The following GSE1 variants were observed in gnomAD, a reference collection of about 807,000 sequenced individuals.
GSE1 encodes Gse1 coiled-coil protein.
Under a neutral mutation model 112.6 loss-of-function variants are expected in GSE1, and 32 were observed. That is an observed-to-expected ratio of 0.28 (90% CI 0.21 to 0.38). The LOEUF (loss-of-function observed/expected upper bound fraction) is 0.38. Ranked by LOEUF, GSE1 falls within the 10% of genes least tolerant of loss-of-function variation. The pLI is 1.00. For synonymous variants in GSE1, 1,115 were observed against 735.6 expected, an observed-to-expected ratio of 1.52 and a Z score of -8.35; for missense variants, 2,348 against 1,699.2, an observed-to-expected ratio of 1.38 and a Z score of -6.71.
At chr16:85,457,391 G>A (rs924557527) in intron 2 of GSE1, among the ~76,000 whole-genome samples, 1 of 152,232 alleles carries the variant, frequency 6.6e-6, no homozygotes, top group Non-Finnish European at 1.5e-5. Flanking sequence ...CCCAGCATTT[G>A]CCCACTGCAG....
At chr16:85,390,774 G>T (rs2047822518) in intron 2 of GSE1, among the ~76,000 whole-genome samples, 1 of 142,594 alleles carries the variant, frequency 7.0e-6, no homozygotes, top group African/African-American at 2.6e-5. Context: ...TGCTGGCCTT[G>T]CCTGCTGAAA....
intron 1 of GSE1, among the ~76,000 whole-genome samples, chr16:85,222,925 A>G (rs1385147750): frequency 6.6e-6 from 1 of 152,192 alleles, no homozygotes; most frequent in Admixed American, 6.5e-5. Flanking sequence ...GAGGAACATA[A>G]AAATTGAAAA....
At chr16:85,234,381 C>T (rs1188475889) in intron 1 of GSE1, among the ~76,000 whole-genome samples, 2 of 152,188 alleles carry the variant, frequency 1.3e-5, no homozygotes, top group Non-Finnish European at 2.9e-5. Flanking sequence ...CACCACCTCC[C>T]CAGGTTCTCC....
At chr16:85,583,087 C>G (rs1010160754) in intron 1 of GSE1, among the ~76,000 whole-genome samples, 1 of 152,132 alleles carries the variant, frequency 6.6e-6, no homozygotes, top group Non-Finnish European at 1.5e-5. Flanking sequence ...CCAGAGGACA[C>G]CCTCCTGCGA....
intron 2 of GSE1, among the ~76,000 whole-genome samples, chr16:85,416,310 G>A (rs558429854): frequency 6.6e-5 from 10 of 152,166 alleles, no homozygotes; most frequent in East Asian, 1.9e-4. Context: ...GCCCGGGGCC[G>A]GGAGCTGGGA....
intron 1 of GSE1, among the ~76,000 whole-genome samples, chr16:85,348,276 T>C (rs910157045): frequency 6.6e-6 from 1 of 151,520 alleles, no homozygotes; most frequent in Admixed American, 6.6e-5. Context: ...TGCCCCTCCA[T>C]CTATCCATCC....
intron 4 of GSE1, 142 bp downstream of exon 4, chr16:85,654,592 C>T: frequency 1.3e-6 from 1 of 799,714 alleles, no homozygotes; most frequent in Non-Finnish European, 2.0e-6. Flanking sequence ...CTGGGGATTG[C>T]AGCCCTGTCT....
chr16:85,409,322 C>G (rs2048421850), intron 2 of GSE1, among the ~76,000 whole-genome samples: 1 of 49,974 alleles, frequency 2.0e-5, no homozygotes, highest in Non-Finnish European at 4.0e-5. Flanking sequence ...CCGGATAATC[C>G]TCACTGTTAC....
intron 2 of GSE1, among the ~76,000 whole-genome samples, chr16:85,374,687 G>A (rs192650917): frequency 5.3e-5 from 8 of 152,182 alleles, no homozygotes; most frequent in Non-Finnish European, 1.2e-4. Flanking sequence ...GACCCTGGAG[G>A]GGGTAGGGGG....
At position 85,447,393 on chromosome 16, in the gene GSE1, A is replaced by C. The variant is rs568937190; in HGVS notation, c.2464+89750A>C. Among the ~76,000 whole-genome samples, 13 of 152,256 alleles carry C rather than the reference A, an allele frequency of 8.5e-5. No individual in the cohort carries two copies. The East Asian group carries it at 2.5e-3, about 29-fold the overall frequency. ...TCAGGGTTCAAGTCCCAGATTCACCACTTGACCTTGGGCAGATGACCTCTC... is the reference window on the plus strand; with the variant it reads ...TCAGGGTTCAAGTCCCAGATTCACCCCTTGACCTTGGGCAGATGACCTCTC... On this transcript the variant is annotated intron_variant, in intron 2 of 2. Coordinates refer to the GSE1 transcript ENST00000637419.
intron 3 of GSE1, among the ~76,000 whole-genome samples, chr16:85,649,117 G>A (rs2051123189): frequency 1.3e-5 from 2 of 152,154 alleles, no homozygotes; most frequent in Non-Finnish European, 1.5e-5. Flanking sequence ...CGTCTGTGGT[G>A]TCTCCATGTC....
At chr16:85,302,420 A>G (rs1253299018) in intron 1 of GSE1, among the ~76,000 whole-genome samples, 2 of 147,934 alleles carry the variant, frequency 1.4e-5, no homozygotes, top group Non-Finnish European at 3.0e-5. Context: ...CTGAATGACC[A>G]TTAGCCACAA....
At chr16:85,523,454 G>A (rs1195209630) in intron 2 of GSE1, among the ~76,000 whole-genome samples, 2 of 152,234 alleles carry the variant, frequency 1.3e-5, no homozygotes, top group East Asian at 3.8e-4. Flanking sequence ...TGATGGAACA[G>A]CGTCCTGGTT....
intron 1 of GSE1, among the ~76,000 whole-genome samples, chr16:85,231,365 G>A (rs946242699): frequency 1.3e-5 from 2 of 150,998 alleles, no homozygotes; most frequent in African/African-American, 4.9e-5. Context: ...TGGATGGACA[G>A]AAGGATAGAT....
chr16:85,251,451 C>A (rs117563129), intron 1 of GSE1, among the ~76,000 whole-genome samples: 1 of 152,272 alleles, frequency 6.6e-6, no homozygotes, highest in Non-Finnish European at 1.5e-5. Flanking sequence ...CAGTCCTGTT[C>A]TCTGTTTCCC....
intron 2 of GSE1, among the ~76,000 whole-genome samples, chr16:85,513,330 G>A (rs2051809952): frequency 6.6e-6 from 1 of 152,134 alleles, no homozygotes; most frequent in Non-Finnish European, 1.5e-5. Context: ...TCCCAGCTCA[G>A]CCACTTTGCA....
intron 2 of GSE1, chr16:85,357,706 A>G: frequency 9.0e-7 from 1 of 1,115,706 alleles, no homozygotes; most frequent in South Asian, 1.3e-5. Flanking sequence ...CCCAGCAGGG[A>G]TGGGGGCTCC....
chr16:85,333,573 TTACTG>T lies in GSE1; in HGVS notation c.2284-23887_2284-23883del, dbSNP rs1361752305. On this transcript the variant is annotated intron_variant, in intron 1 of 2. Coordinates refer to the GSE1 transcript ENST00000637419. ...TGCATCAGAAGCTGGCTCCGCCTCT[TTACTG>T]TATGTGGCCCTGGGCCTCAGTTTCT... is the stretch of plus-strand genomic sequence containing the variant. Among the ~76,000 whole-genome samples the T allele has an allele frequency of 5.3e-5, 8 of 152,248 alleles. No homozygotes were observed. The South Asian group carries it at 1.7e-3, about 32-fold the overall frequency.
intron 1 of GSE1, among the ~76,000 whole-genome samples, chr16:85,346,141 G>C (rs1220005406): frequency 1.5e-5 from 2 of 137,884 alleles, no homozygotes; most frequent in Non-Finnish European, 3.1e-5. Context: ...TGGATGGGTA[G>C]ATGGATGGAT....
Sources: allele counts gnomAD v4.1 joint callset (sites outside exome capture counted in the v4.1 genomes callset), GRCh38; gene constraint gnomAD v4.1.1; transcripts MANE v1.5; gene names NCBI Gene and HGNC (gene_info 2026-07-23, HGNC 2026-07-21).